CALD1: variants seen among roughly 807,000 people sequenced by gnomAD.
CALD1 encodes the protein caldesmon 1.
Under a neutral mutation model 99.9 loss-of-function variants are expected in CALD1, and 33 were observed. The observed-to-expected ratio is 0.33, with a 90% confidence interval of 0.25 to 0.44. The LOEUF is 0.44. Ranked by LOEUF, CALD1 falls within the 20% of genes least tolerant of loss-of-function variation. CALD1 has a pLI of 1.00. For synonymous variants in CALD1, 310 were observed against 325.0 expected (o/e 0.95, Z 0.50); for missense variants, 861 against 962.1 (o/e 0.89, Z 1.39).
At chr7:134,780,744 T>C (rs753807989) in intron 1 of CALD1, among the ~76,000 whole-genome samples, 1 of 152,220 alleles carries the variant, frequency 6.6e-6, no homozygotes, top group Non-Finnish European at 1.5e-5. Context: ...AAGTGCTTGA[T>C]ATTTATAGAT....
intron 3 of CALD1, among the ~76,000 whole-genome samples, chr7:134,879,786 T>A (rs1301461302): frequency 6.6e-6 from 1 of 152,198 alleles, no homozygotes; most frequent in Admixed American, 6.5e-5. Context: ...TTCTAGTTGA[T>A]CTATTTTAGT....
intron 6 of CALD1, among the ~76,000 whole-genome samples, chr7:134,939,077 A>G (rs1806224755): frequency 6.6e-6 from 1 of 152,230 alleles, no homozygotes; most frequent in Non-Finnish European, 1.5e-5. Flanking sequence ...CTTCTTAACT[A>G]GAACATAAAC....
intron 4 of CALD1, among the ~76,000 whole-genome samples, chr7:134,929,557 G>A (rs577235041): frequency 3.0e-5 from 4 of 132,356 alleles, no homozygotes; most frequent in South Asian, 2.5e-4. Flanking sequence ...TCCAGGTTGC[G>A]GTGAATTCCA....
intron 3 of CALD1, among the ~76,000 whole-genome samples, chr7:134,905,284 A>G (rs1803286658): frequency 6.6e-6 from 1 of 152,128 alleles, no homozygotes; most frequent in Non-Finnish European, 1.5e-5. Flanking sequence ...GAACATTCAT[A>G]TAGTACTAAC....
At chr7:134,919,915 A>C (rs1317129140) in intron 3 of CALD1, among the ~76,000 whole-genome samples, 2 of 152,196 alleles carry the variant, frequency 1.3e-5, no homozygotes, top group Non-Finnish European at 2.9e-5. Context: ...GATATGAAAA[A>C]TATTTTTATT....
At chr7:134,734,614 A>T in the CALD1 span, among the ~76,000 whole-genome samples, 670 of 152,242 alleles carry the variant, frequency 4.4e-3, 10 homozygotes, top group African/African-American at 0.015. Context: ...TAATTGAATC[A>T]TGGGGGTGGG....
intron 1 of CALD1, among the ~76,000 whole-genome samples, chr7:134,760,870 A>G (rs1796770973): frequency 6.6e-6 from 1 of 152,142 alleles, no homozygotes; most frequent in Non-Finnish European, 1.5e-5. Flanking sequence ...CTTTTGTTTT[A>G]GGTTTAGAGG....
At chr7:134,852,381 G>A (rs1800119833) in intron 2 of CALD1, among the ~76,000 whole-genome samples, 1 of 152,106 alleles carries the variant, frequency 6.6e-6, no homozygotes, top group Non-Finnish European at 1.5e-5. Flanking sequence ...AGGGTGGGGA[G>A]AGGAATCATG....
chr7:134,875,209 T>C (rs1245815555), intron 3 of CALD1, among the ~76,000 whole-genome samples: 1 of 152,256 alleles, frequency 6.6e-6, no homozygotes, highest in Non-Finnish European at 1.5e-5. Flanking sequence ...ACTTTTATTT[T>C]TTATTTTTTG....
intron 6 of CALD1, among the ~76,000 whole-genome samples, chr7:134,940,720 A>C (rs1281365243): frequency 6.6e-6 from 1 of 152,208 alleles, no homozygotes; most frequent in East Asian, 1.9e-4. Flanking sequence ...CAACGTGGTC[A>C]TTCTTCCATC....
At chr7:134,877,418 G>T (rs1483123533) in intron 3 of CALD1, among the ~76,000 whole-genome samples, 1 of 152,188 alleles carries the variant, frequency 6.6e-6, no homozygotes, top group East Asian at 1.9e-4. Flanking sequence ...TTCCCTACTT[G>T]TTTGAAATCA....
chr7:134,950,610 TA>T (rs1807262493), intron 9 of CALD1, 96 bp downstream of exon 9: 1 of 1,005,134 alleles, frequency 9.9e-7, no homozygotes. Flanking sequence ...TTTGTTCATT[TA>T]TCTTTTTGCT....
At chr7:134,938,021 T>C (rs1402766620) in intron 6 of CALD1, among the ~76,000 whole-genome samples, 1 of 152,228 alleles carries the variant, frequency 6.6e-6, no homozygotes, top group East Asian at 1.9e-4. Context: ...GTTCGTGTCA[T>C]GCGGATCAAT....
chr7:134,734,880 A>C, the CALD1 span: 1 of 156,252 alleles, frequency 6.4e-6, no homozygotes, highest in African/African-American at 2.4e-5. Context: ...AGACCAATAC[A>C]CCCAGTAACA....
At chr7:134,844,501 G>A (rs982002865) in intron 2 of CALD1, among the ~76,000 whole-genome samples, 1 of 152,192 alleles carries the variant, frequency 6.6e-6, no homozygotes, top group Non-Finnish European at 1.5e-5. Flanking sequence ...AGAAACCAAA[G>A]GGCATTTCAC....
Position 134,787,661 on chromosome 7 carries a change from A to C in CALD1, c.-130+7912A>C, listed in dbSNP as rs1024358476. 2.0e-5 allele frequency among the ~76,000 whole-genome samples: 3 copies of C among 152,234 alleles called. No homozygotes were observed. The East Asian group carries it at 5.8e-4, about 29-fold the overall frequency. The stretch of plus-strand genomic sequence containing the variant: ...GACTTTGAGTGCATGGATGGGGGAT[A>C]ATTTGCTTTTGCAGAAGGACAGAAA... On this transcript the variant is annotated intron_variant, in intron 1 of 14. Transcript: ENST00000361675.
At chr7:134,909,217 T>G (rs775808037) in intron 3 of CALD1, among the ~76,000 whole-genome samples, 1 of 152,200 alleles carries the variant, frequency 6.6e-6, no homozygotes, top group Non-Finnish European at 1.5e-5. Flanking sequence ...TAAAAAAAAT[T>G]TTCAGATTAT....
chr7:134,785,410 T>G (rs979697394), intron 1 of CALD1, among the ~76,000 whole-genome samples: 1 of 152,246 alleles, frequency 6.6e-6, no homozygotes, highest in African/African-American at 2.4e-5. Flanking sequence ...CTTGAAGATT[T>G]AATATGTAAT....
chr7:134,845,838 C>G (rs1799829681), intron 2 of CALD1, among the ~76,000 whole-genome samples: 1 of 152,232 alleles, frequency 6.6e-6, no homozygotes, highest in Admixed American at 6.5e-5. Flanking sequence ...AGAGGAAGAA[C>G]ACTGCACGAT....
Sources: gnomAD v4.1 joint callset for allele counts (sites outside exome capture counted in the v4.1 genomes callset) on GRCh38, gnomAD v4.1.1 for gene constraint, MANE v1.5 for transcripts, NCBI Gene and HGNC (gene_info 2026-07-23, HGNC 2026-07-21) for gene names.